Variants in CADM1 observed in about 807,000 individuals in gnomAD.
The protein encoded by CADM1 is TSLC-1.
CADM1 carries 15 observed loss-of-function variants against 53.1 expected under a neutral mutation model. The observed-to-expected ratio is 0.28, with a 90% CI of 0.19 to 0.44. CADM1 has a LOEUF of 0.44. Among genes scored for constraint, CADM1 ranks in the 20% least tolerant of loss-of-function variants. CADM1 has a pLI of 1.00. For missense variants in CADM1, 434 were observed against 611.3 expected (o/e 0.71, Z 3.06); for synonymous variants, 281 against 243.0 (o/e 1.16, Z -1.45).
intron 1 of CADM1, among the ~76,000 whole-genome samples, chr11:115,365,969 G>A (rs1946145989): frequency 6.6e-6 from 1 of 152,126 alleles, no homozygotes; most frequent in Non-Finnish European, 1.5e-5. Flanking sequence ...GGCATTTGTG[G>A]GAACACAGAA....
At chr11:115,207,661 G>A (rs953579942) in intron 8 of CADM1, among the ~76,000 whole-genome samples, 7 of 152,208 alleles carry the variant, frequency 4.6e-5, no homozygotes, top group African/African-American at 1.4e-4. Flanking sequence ...AGAGAAATGT[G>A]GTTGTTTATA....
In CADM1 at chr11:115,173,932, TAA is replaced by T; in HGVS notation, c.*2540_*2541del. On this transcript the variant is annotated 3_prime_UTR_variant, in exon 12 of 12. Coordinates refer to ENST00000331581, the MANE Select transcript of CADM1 (RefSeq NM_001301043.2). ...AAACAAGTTTGTTCTTTCTTCACTC[TAA>T]AAAAAGTGATCAACCTGTACAAAGT... The T allele has an allele frequency of 1.1e-5, 11 of 967,562 alleles. No homozygotes were observed. The highest frequency in any genetic ancestry group is 1.2e-5 in the Non-Finnish European group (10 of 813,712). The allele number at this position is 967,562 out of a possible 1,614,324, so 59.9% of individuals were successfully genotyped here.
At chr11:115,315,330 G>C (rs1231440076) in intron 1 of CADM1, among the ~76,000 whole-genome samples, 1 of 152,070 alleles carries the variant, frequency 6.6e-6, no homozygotes, top group Non-Finnish European at 1.5e-5. Context: ...GGACAGGATG[G>C]GACACGACAC....
chr11:115,247,781 G>T (rs1290138631), intron 1 of CADM1, among the ~76,000 whole-genome samples: 1 of 152,162 alleles, frequency 6.6e-6, no homozygotes, highest in East Asian at 1.9e-4. Flanking sequence ...GCACAGCAAG[G>T]TTTCTCCTTC....
chr11:115,360,322 A>T (rs7107573), intron 1 of CADM1, among the ~76,000 whole-genome samples: 48,979 of 152,032 alleles, frequency 0.32, 8,993 homozygotes, highest in Non-Finnish European at 0.43. Context: ...TATATTGCTG[A>T]TAAGAGTTTT....
intron 6 of CADM1, 72 bp downstream of exon 6, chr11:115,217,820 G>T: frequency 1.1e-6 from 1 of 934,848 alleles, no homozygotes; most frequent in Non-Finnish European, 1.8e-6. Flanking sequence ...CCAAGGACTG[G>T]TGAATGCACA....
In CADM1 at chr11:115,356,787, T is replaced by C. The variant is rs574985889; in HGVS notation, c.125-116367A>G. Among the ~76,000 whole-genome samples, 50 of 152,262 alleles carry C rather than the reference T, an allele frequency of 3.3e-4. 1 individual carries two copies. The highest frequency in any genetic ancestry group is 1.1e-3 in the African/African-American group (47 of 41,556). The stretch of plus-strand genomic sequence containing the variant: ...GTGTTTAATGTACTACTATAAAATA[T>C]ACACACGAGACAAACTGATGCTGTA... On this transcript the variant is annotated intron_variant, in intron 1 of 11. Coordinates refer to ENST00000331581, the MANE Select transcript of CADM1 (RefSeq NM_001301043.2).
chr11:115,193,610 C>T (rs2134655220), intron 9 of CADM1, among the ~76,000 whole-genome samples: 1 of 152,110 alleles, frequency 6.6e-6, no homozygotes, highest in Non-Finnish European at 1.5e-5. Flanking sequence ...GTAAGAAAAA[C>T]CTCAAAAAAT....
intron 1 of CADM1, among the ~76,000 whole-genome samples, chr11:115,493,280 A>T (rs1363724752): frequency 6.9e-6 from 1 of 145,118 alleles, no homozygotes; most frequent in African/African-American, 2.5e-5. Context: ...TAATTTTCTA[A>T]AAAAAAAAAA....
chr11:115,483,868 T>C (rs1221570169), intron 1 of CADM1, among the ~76,000 whole-genome samples: 1 of 152,216 alleles, frequency 6.6e-6, no homozygotes, highest in Non-Finnish European at 1.5e-5. Context: ...TAGTGGTTAC[T>C]ATACTGAACA....
intron 1 of CADM1, among the ~76,000 whole-genome samples, chr11:115,485,358 C>T (rs981966178): frequency 2.6e-5 from 4 of 152,220 alleles, no homozygotes; most frequent in Non-Finnish European, 5.9e-5. Flanking sequence ...ATGATTGGCA[C>T]ACACTGGGCC....
chr11:115,192,975 T>C (rs1475181363), intron 9 of CADM1, among the ~76,000 whole-genome samples: 1 of 152,226 alleles, frequency 6.6e-6, no homozygotes, highest in Non-Finnish European at 1.5e-5. Context: ...AGCACTATTA[T>C]ATTGTGTGAA....
chr11:115,294,935 A>C (rs1198711989), intron 1 of CADM1, among the ~76,000 whole-genome samples: 1 of 152,142 alleles, frequency 6.6e-6, no homozygotes, highest in African/African-American at 2.4e-5. Context: ...CTACTCCAGG[A>C]GGCTGAGGCA....
At chr11:115,366,317 T>C (rs897173690) in intron 1 of CADM1, among the ~76,000 whole-genome samples, 62 of 152,256 alleles carry the variant, frequency 4.1e-4, no homozygotes, top group Admixed American at 4.1e-3. Flanking sequence ...ATATTTATTT[T>C]TAATTCCTCT....
At chr11:115,367,763 T>A (rs1296938937) in intron 1 of CADM1, among the ~76,000 whole-genome samples, 1 of 152,052 alleles carries the variant, frequency 6.6e-6, no homozygotes, top group Non-Finnish European at 1.5e-5. Flanking sequence ...TGCTTAGAAT[T>A]TCTTAGAAAA....
At chr11:115,440,409 TGATA>T (rs1948283096) in intron 1 of CADM1, among the ~76,000 whole-genome samples, 1 of 152,220 alleles carries the variant, frequency 6.6e-6, no homozygotes, top group Non-Finnish European at 1.5e-5. Flanking sequence ...GCATAGCACA[TGATA>T]GATGGTCACT....
intron 1 of CADM1, among the ~76,000 whole-genome samples, chr11:115,405,895 G>A (rs1361325279): frequency 6.6e-6 from 1 of 152,156 alleles, no homozygotes; most frequent in Non-Finnish European, 1.5e-5. Flanking sequence ...TAAGGAGTAA[G>A]GTGAGGGAGG....
At chr11:115,274,842 C>T (rs1654033319) in intron 1 of CADM1, among the ~76,000 whole-genome samples, 1 of 152,182 alleles carries the variant, frequency 6.6e-6, no homozygotes, top group South Asian at 2.1e-4. Flanking sequence ...TGTCTTCCCC[C>T]AGATCTGTCC....
intron 9 of CADM1, among the ~76,000 whole-genome samples, chr11:115,193,136 A>G (rs1811341623): frequency 6.6e-6 from 1 of 152,236 alleles, no homozygotes; most frequent in Non-Finnish European, 1.5e-5. Context: ...TAAAAATTAT[A>G]CACTTTTCAT....
Sources: gnomAD v4.1 joint callset for allele counts (sites outside exome capture counted in the v4.1 genomes callset) on GRCh38, gnomAD v4.1.1 for gene constraint, MANE v1.5 for transcripts, NCBI Gene and HGNC (gene_info 2026-07-23, HGNC 2026-07-21) for gene names.